Variants in MTERF4 observed in about 807,000 individuals in gnomAD.
MTERF4 encodes transcription termination factor 4, mitochondrial.
MTERF4 carries 17 observed loss-of-function variants against 22.5 expected under a neutral mutation model. The observed-to-expected ratio is 0.75, with a 90% confidence interval of 0.52 to 1.13. The LOEUF (loss-of-function observed/expected upper bound fraction) is 1.13, where lower values mean the gene tolerates loss of function less well. Among genes scored for constraint, MTERF4 ranks in the 50% most tolerant of loss-of-function variants. The pLI, the probability that MTERF4 is intolerant of heterozygous loss-of-function variation, is 0.00. For missense variants in MTERF4, 420 were observed against 466.8 expected (o/e 0.90, Z 0.92); for synonymous variants, 165 against 175.3 (o/e 0.94, Z 0.47).
At chr2:241,057,136 T>C in the MTERF4 span, among the ~76,000 whole-genome samples, 10 of 151,498 alleles carry the variant, frequency 6.6e-5, no homozygotes, top group South Asian at 2.1e-3. Context: ...TCCAGCACTT[T>C]GGGAGGCCAA....
intron 1 of MTERF4, among the ~76,000 whole-genome samples, chr2:241,101,801 C>T (rs2064720853): frequency 6.6e-6 from 1 of 152,214 alleles, no homozygotes; most frequent in African/African-American, 2.4e-5. Context: ...GCCTGTAATC[C>T]CAGCACTTTG....
chr2:241,093,767 A>C (rs2125368520), downstream of MTERF4: 1 of 152,502 alleles, frequency 6.6e-6, no homozygotes, highest in Non-Finnish European at 1.5e-5. Flanking sequence ...GAAACATTCC[A>C]AAGAGGCCAC....
At chr2:241,074,866 C>G (rs2125263470) in exon 5 of MTERF4, 1 of 152,364 alleles carries the variant, frequency 6.6e-6, no homozygotes, top group Non-Finnish European at 1.5e-5. Flanking sequence ...ACTCCCTGTT[C>G]TCTCCCCTCA....
At chr2:241,042,791 A>T in the MTERF4 span, among the ~76,000 whole-genome samples, 4 of 152,264 alleles carry the variant, frequency 2.6e-5, no homozygotes, top group African/African-American at 9.6e-5. Flanking sequence ...CTGAAGAGTG[A>T]AACAGAAACA....
the MTERF4 span, chr2:241,049,742 G>A: frequency 1.8e-6 from 2 of 1,114,884 alleles, no homozygotes; most frequent in Non-Finnish European, 2.7e-6. Flanking sequence ...TGGCAGGCAA[G>A]GTGCCCGCCA....
chr2:241,085,824 T>C (rs1402357992), downstream of MTERF4, among the ~76,000 whole-genome samples: 1 of 151,890 alleles, frequency 6.6e-6, no homozygotes, highest in Non-Finnish European at 1.5e-5. Flanking sequence ...GGGGTTAATT[T>C]TGCCCTAGTT....
intron 1 of MTERF4, chr2:241,101,371 C>A (rs1395412892): frequency 6.3e-6 from 2 of 319,722 alleles, no homozygotes; most frequent in Non-Finnish European, 1.3e-5. Context: ...GGAGCTCAGG[C>A]GGTAATGCCA....
chr2:241,067,991 G>C, downstream of MTERF4: 1 of 1,563,652 alleles, frequency 6.4e-7, no homozygotes, highest in Non-Finnish European at 8.7e-7. Flanking sequence ...TGAAGGCAGG[G>C]GTGGGGGCTC....
downstream of MTERF4, chr2:241,087,323 G>T: frequency 3.4e-6 from 5 of 1,466,516 alleles, no homozygotes; most frequent in Non-Finnish European, 4.6e-6. Flanking sequence ...GGTTCACATA[G>T]CCTAGGTTAA....
At chr2:241,084,972 TC>T (rs1461241296), downstream of MTERF4, among the ~76,000 whole-genome samples, 5 of 152,206 alleles carry the variant, frequency 3.3e-5, no homozygotes, top group African/African-American at 4.8e-5. Flanking sequence ...CTTGCATAGT[TC>T]CAGACAAGAA....
chr2:241,100,721 AAT>A (rs142098493), intron 1 of MTERF4, among the ~76,000 whole-genome samples: 1 of 151,882 alleles, frequency 6.6e-6, no homozygotes, highest in African/African-American at 2.4e-5. Flanking sequence ...TACAGAATGC[AAT>A]ATATATATAT....
At chr2:241,098,179 G>A (rs923334800) in intron 2 of MTERF4, among the ~76,000 whole-genome samples, 3 of 152,216 alleles carry the variant, frequency 2.0e-5, no homozygotes, top group Non-Finnish European at 2.9e-5. Context: ...ATCTTAATAT[G>A]TGAGGAATTT....
the MTERF4 span, among the ~76,000 whole-genome samples, chr2:241,044,712 C>G: frequency 6.5e-4 from 99 of 152,324 alleles, 1 homozygote; most frequent in African/African-American, 2.2e-3. Flanking sequence ...TGCCCTTAAA[C>G]TGCGAAGGAA....
chr2:241,075,855 C>CTG lies in MTERF4; in HGVS notation n.480-175_480-174dup, dbSNP rs55753819. ...ACCTGTAGGTCATTAATCTGTTAGA[C>CTG]TGTGTGTGTGTGAGAAGTTGGGCTA... is the stretch of plus-strand genomic sequence containing the variant. On this transcript the variant is annotated intron_variant and non_coding_transcript_variant, in intron 4 of 4. Coordinates refer to the MTERF4 transcript ENST00000464344. The surrounding 1 kb of genome is among the most constrained non-coding windows in gnomAD (Gnocchi z 4.8). 0.21 allele frequency among the ~76,000 whole-genome samples: 31,675 copies of CTG among 151,844 alleles called. 3,533 individuals carry two copies. Among genetic ancestry groups the CTG allele is most frequent in the East Asian group, 0.3 (1,550 of 5,164 alleles).
In MTERF4 at chr2:241,073,324, G is replaced by A; in HGVS notation, n.2838C>T. 6.4e-7 allele frequency: 1 copy of A among 1,574,484 alleles called. No homozygotes were observed. The highest frequency in any genetic ancestry group is 8.6e-7 in the Non-Finnish European group (1 of 1,161,248). On this transcript the variant is annotated non_coding_transcript_exon_variant, in exon 5 of 5. Transcript: ENST00000464344. The surrounding 1 kb of genome is among the most constrained non-coding windows in gnomAD (Gnocchi z 6.6). ...AGGAAGCCCCCAAGCGGGTCAGCCT[G>A]GCCCTCCAGCTCCCTGAACACGGCA... is the stretch of plus-strand genomic sequence containing the variant.
At chr2:241,048,586 G>A in the MTERF4 span, 2 of 1,505,358 alleles carry the variant, frequency 1.3e-6, no homozygotes, top group Non-Finnish European at 1.8e-6. Flanking sequence ...TTGGCCAGGA[G>A]CAGGGCAGGG....
chr2:241,053,062 G>T, the MTERF4 span: 2 of 1,241,940 alleles, frequency 1.6e-6, no homozygotes, highest in South Asian at 2.8e-5. Flanking sequence ...GGACATCCCT[G>T]GGCCCTGCAG....
chr2:241,048,419 A>G, the MTERF4 span: 1 of 1,609,938 alleles, frequency 6.2e-7, no homozygotes, highest in South Asian at 1.1e-5. Context: ...CGAAGGCTTC[A>G]TGGGCCTGGA....
Position 241,075,508 on chromosome 2 carries a change from G to A in MTERF4, n.654C>T, listed in dbSNP as rs190477169. On this transcript the variant is annotated non_coding_transcript_exon_variant, in exon 5 of 5. Transcript: ENST00000464344. This position sits in a 1 kb window ranked among gnomAD's most constrained non-coding sequence, Gnocchi z 4.8. Reference sequence around the variant, plus strand: ...TCATGGGCATCCACCAAAGGTGTTTGCTTCTGTGAAATGCCTGATCACGCC... The same window carrying A: ...TCATGGGCATCCACCAAAGGTGTTTACTTCTGTGAAATGCCTGATCACGCC... 8 of 152,334 alleles carry A rather than the reference G, an allele frequency of 5.3e-5. No homozygotes were observed. The highest frequency in any genetic ancestry group is 2.1e-4 in the South Asian group (1 of 4,826). 9.4% of individuals were successfully genotyped at this position (152,334 alleles called of 1,614,324 possible). A position where few individuals can be genotyped will look rare whatever the true frequency, so the allele number is the denominator to read the frequency against.
Sources: gnomAD v4.1 joint callset for allele counts (sites outside exome capture counted in the v4.1 genomes callset) on GRCh38, gnomAD v4.1.1 for gene constraint, Gnocchi (gnomAD v3.1) non-coding constraint, MANE v1.5 for transcripts, NCBI Gene and HGNC (gene_info 2026-07-23, HGNC 2026-07-21) for gene names.